TAB2: variants seen among roughly 807,000 people sequenced by gnomAD.
TAB2 encodes TGF-beta activated kinase 1 (MAP3K7) binding protein 2.
Under a neutral mutation model 65.0 loss-of-function variants are expected in TAB2, and 3 were observed. That is an observed-to-expected ratio of 0.05 (90% CI 0.02 to 0.12). TAB2 has a LOEUF of 0.12. Among genes scored for constraint, TAB2 ranks in the 10% least tolerant of loss-of-function variants. The pLI is 1.00. For synonymous variants in TAB2, 298 were observed against 285.1 expected, an observed-to-expected ratio of 1.05 and a Z score of -0.46; for missense variants, 623 against 840.3, an observed-to-expected ratio of 0.74 and a Z score of 3.20.
chr6:149,323,290 T>G (rs1321769967), intron 1 of TAB2, among the ~76,000 whole-genome samples: 12 of 152,134 alleles, frequency 7.9e-5, no homozygotes, highest in Admixed American at 7.9e-4. Flanking sequence ...AGAAATCAAT[T>G]ATTTGTAGCT....
chr6:149,372,497 T>A (rs1020662494), intron 2 of TAB2: 1 of 152,148 alleles, frequency 6.6e-6, no homozygotes, highest in Non-Finnish European at 1.5e-5. Context: ...ATAAAATAAT[T>A]AAGCTTTAAC....
At chr6:149,277,041 C>G (rs773872315) in intron 1 of TAB2, among the ~76,000 whole-genome samples, 1 of 152,168 alleles carries the variant, frequency 6.6e-6, no homozygotes, top group South Asian at 2.1e-4. Flanking sequence ...CTCTCATTCT[C>G]TCTTGATTGT....
intron 1 of TAB2, among the ~76,000 whole-genome samples, chr6:149,236,291 G>T (rs1349118471): frequency 3.3e-5 from 5 of 152,216 alleles, no homozygotes; most frequent in Non-Finnish European, 7.3e-5. Context: ...CTCATTTGAG[G>T]TATTCAAGCG....
chr6:149,381,608 C>A (rs2114896517), intron 3 of TAB2, among the ~76,000 whole-genome samples: 2 of 122,576 alleles, frequency 1.6e-5, no homozygotes, highest in East Asian at 5.0e-4. Context: ...GGGTCTCGCT[C>A]TTTCGTCCAA....
At chr6:149,239,525 A>G (rs979920109) in intron 1 of TAB2, among the ~76,000 whole-genome samples, 20 of 152,270 alleles carry the variant, frequency 1.3e-4, no homozygotes, top group African/African-American at 4.6e-4. Flanking sequence ...CAAGAAAAGC[A>G]TATGTAAATG....
intron 6 of TAB2, among the ~76,000 whole-genome samples, chr6:149,408,768 TTA>T (rs1234989687): frequency 2.0e-5 from 3 of 152,174 alleles, no homozygotes; most frequent in African/African-American, 7.2e-5. Context: ...AGGAATATAA[TTA>T]TTCTCTGTAT....
chr6:149,324,946 G>C (rs866748267), intron 1 of TAB2, among the ~76,000 whole-genome samples: 1 of 151,148 alleles, frequency 6.6e-6, no homozygotes, highest in African/African-American at 2.4e-5. Context: ...ACAAGTGTGC[G>C]CAACTACATC....
At chr6:149,237,852 G>A (rs953202639) in intron 1 of TAB2, among the ~76,000 whole-genome samples, 3 of 152,076 alleles carry the variant, frequency 2.0e-5, no homozygotes, top group Non-Finnish European at 2.9e-5. Flanking sequence ...CAAGCACCAC[G>A]CCACCCCACT....
At chr6:149,296,118 TA>T (rs1391072146) in intron 1 of TAB2, among the ~76,000 whole-genome samples, 7 of 152,234 alleles carry the variant, frequency 4.6e-5, no homozygotes, top group African/African-American at 1.7e-4. Flanking sequence ...AAAGGATTTA[TA>T]GGAATAATTT....
At chr6:149,281,513 G>GGAGTTCAA (rs1275944246) in intron 1 of TAB2, among the ~76,000 whole-genome samples, 7 of 126,220 alleles carry the variant, frequency 5.5e-5, no homozygotes, top group African/African-American at 2.3e-4. Flanking sequence ...CTTGAATCCA[G>GGAGTTCAA]GAGTTCAAGA....
intron 3 of TAB2, among the ~76,000 whole-genome samples, chr6:149,392,205 A>G (rs1393718643): frequency 2.6e-5 from 4 of 151,956 alleles, no homozygotes; most frequent in Non-Finnish European, 4.4e-5. Context: ...CAGTGACACA[A>G]TATCAGTTCA....
chr6:149,348,837 G>A (rs1780391088), intron 1 of TAB2, among the ~76,000 whole-genome samples: 2 of 151,720 alleles, frequency 1.3e-5, no homozygotes. Flanking sequence ...GTGGTGGCAG[G>A]CACCTGTAAT....
At chr6:149,266,862 A>C (rs896799719) in intron 1 of TAB2, among the ~76,000 whole-genome samples, 9 of 152,192 alleles carry the variant, frequency 5.9e-5, no homozygotes, top group South Asian at 2.1e-4. Flanking sequence ...CAGCCATCTT[A>C]CAGGGAGAAA....
chr6:149,383,161 TAAAG>T (rs531491044), intron 3 of TAB2, among the ~76,000 whole-genome samples: 224 of 145,498 alleles, frequency 1.5e-3, no homozygotes, highest in Non-Finnish European at 3.1e-3. Context: ...CTCAAAAAAA[TAAAG>T]AAGAAAAAAA....
At chr6:149,356,545 A>C (rs1238343535) in intron 1 of TAB2, among the ~76,000 whole-genome samples, 1 of 152,132 alleles carries the variant, frequency 6.6e-6, no homozygotes. Context: ...CGTAGGTGGC[A>C]CCTTTTAGCT....
chr6:149,341,801 A>G (rs748141398), intron 1 of TAB2, among the ~76,000 whole-genome samples: 1 of 152,110 alleles, frequency 6.6e-6, no homozygotes, highest in Non-Finnish European at 1.5e-5. Flanking sequence ...GTCCTATTAC[A>G]GTTTTCACAA....
chr6:149,329,087 AAGAC>A (rs1459953111), intron 1 of TAB2, among the ~76,000 whole-genome samples: 2 of 152,256 alleles, frequency 1.3e-5, no homozygotes, highest in Admixed American at 1.3e-4. Context: ...AATTAGAAAA[AAGAC>A]AGAGCATCGA....
chr6:149,223,795 C>T (rs1298003834), intron 1 of TAB2, among the ~76,000 whole-genome samples: 1 of 151,980 alleles, frequency 6.6e-6, no homozygotes, highest in Non-Finnish European at 1.5e-5. Flanking sequence ...ATATACCATC[C>T]CTAGTTTAAA....
At chr6:149,237,144 T>C (rs1041190228) in intron 1 of TAB2, among the ~76,000 whole-genome samples, 2 of 152,236 alleles carry the variant, frequency 1.3e-5, no homozygotes, top group Admixed American at 1.3e-4. Flanking sequence ...TATAAGGGTG[T>C]ACAAAGGTGC....
Sources: gnomAD v4.1 joint callset for allele counts (sites outside exome capture counted in the v4.1 genomes callset) on GRCh38, gnomAD v4.1.1 for gene constraint, MANE v1.5 for transcripts, NCBI Gene and HGNC (gene_info 2026-07-23, HGNC 2026-07-21) for gene names.